The following KBTBD12 variants were observed in gnomAD, a reference collection of about 807,000 sequenced individuals.
The protein encoded by KBTBD12 is kelch repeat and BTB domain-containing protein 12.
Under a neutral mutation model 58.7 loss-of-function variants are expected in KBTBD12, and 53 were observed. That is an observed-to-expected ratio of 0.90 (90% CI 0.72 to 1.14). The LOEUF is 1.14. Among genes scored for constraint, KBTBD12 ranks in the 50% most tolerant of loss-of-function variants. KBTBD12 has a pLI of 0.00. For missense variants in KBTBD12, 704 were observed against 751.3 expected (o/e 0.94, Z 0.74); for synonymous variants, 236 against 259.8 (o/e 0.91, Z 0.88).
Position 127,927,912 on chromosome 3 carries a change from G to A in KBTBD12, c.1219G>A (p.Asp407Asn). ...CCAGTATCTTATTACAAACTGTGTT[G>A]ATAAGTACTCTGTAGAACGGGACAA... ...KNQYLITNCV[D>N]KYSVERDNWK... is the part of the protein sequence containing the mutation. The change falls in exon 3 of 6, where the codon GAT (aspartate) becomes AAT (asparagine). Residue 407 changes from aspartate to asparagine, a missense_variant. Asp to Asn is a conservative substitution (Grantham distance 23, BLOSUM62 1). Coordinates refer to ENST00000405109, the MANE Select transcript of KBTBD12 (RefSeq NM_207335.4). 1.2e-6 allele frequency: 2 copies of A among 1,613,582 alleles called. No homozygotes were observed. The highest frequency in any genetic ancestry group is 1.7e-6 in the Non-Finnish European group (2 of 1,179,632).
At chr3:127,940,980 C>A (rs1454543982) in intron 4 of KBTBD12, among the ~76,000 whole-genome samples, 1 of 152,116 alleles carries the variant, frequency 6.6e-6, no homozygotes, top group Non-Finnish European at 1.5e-5. Context: ...CTTTGAAAAC[C>A]ACAAACTACT....
intron 4 of KBTBD12, among the ~76,000 whole-genome samples, chr3:127,940,970 C>G (rs1252358391): frequency 6.6e-6 from 1 of 152,144 alleles, no homozygotes; most frequent in East Asian, 1.9e-4. Flanking sequence ...TGGACCAATT[C>G]TTTGAAAACC....
intron 4 of KBTBD12, among the ~76,000 whole-genome samples, chr3:127,945,162 A>ATTTTTT (rs1940047830): frequency 4.2e-5 from 1 of 23,786 alleles, no homozygotes; most frequent in African/African-American, 1.4e-4. Context: ...AATAGTAGCT[A>ATTTTTT]TCTTTTTTTT....
intron 4 of KBTBD12, among the ~76,000 whole-genome samples, chr3:127,940,513 T>C (rs1939927830): frequency 1.3e-5 from 2 of 152,190 alleles, no homozygotes; most frequent in South Asian, 2.1e-4. Flanking sequence ...TTAGAAAATA[T>C]GTTATGCTGA....
rs1275350653 is a variant in KBTBD12, at chr3:127,984,211, C to T, written c.1805C>T (p.Ala602Val). The change falls in exon 6 of 6, where the codon GCC (alanine) becomes GTC (valine). Residue 602 changes from alanine (A) to valine (V), a missense_variant. Physicochemically the swap from Ala to Val is moderately conservative, Grantham distance 64. Coordinates refer to ENST00000405109, the MANE Select transcript of KBTBD12 (RefSeq NM_207335.4). ...MHDSYDVCLV[A>V]RMNPRDLIPP... ...GACAGCTATGATGTCTGCCTAGTAG[C>T]CAGGATGAATCCCCGAGACCTCATC... is the stretch of plus-strand genomic sequence containing the variant. 2 of 1,613,856 alleles carry T rather than the reference C, an allele frequency of 1.2e-6. No homozygotes were observed. The highest frequency in any genetic ancestry group is 1.7e-6 in the Non-Finnish European group (2 of 1,179,886).
At chr3:127,960,209 G>A (rs569779149) in intron 4 of KBTBD12, among the ~76,000 whole-genome samples, 1 of 152,104 alleles carries the variant, frequency 6.6e-6, no homozygotes, top group Admixed American at 6.5e-5. Flanking sequence ...GGGAGGAGAG[G>A]TTCACTCCTG....
chr3:127,953,915 ATATAAGTCT>A (rs1300311888), intron 4 of KBTBD12, among the ~76,000 whole-genome samples: 1 of 152,216 alleles, frequency 6.6e-6, no homozygotes, highest in Non-Finnish European at 1.5e-5. Context: ...AATTTAGTCT[ATATAAGTCT>A]TATGAGTCAA....
chr3:127,920,857 T>C lies in KBTBD12; in HGVS notation c.-112-2093T>C, dbSNP rs896073284. ...TCTATTACTATGAGTACTATTATTA[T>C]GAATGCACCAGTTCAGTCTTCTATA... is the stretch of plus-strand genomic sequence containing the variant. On this transcript the variant is annotated intron_variant, in intron 1 of 5. Transcript: ENST00000405109. Among the ~76,000 whole-genome samples the C allele has an allele frequency of 8.5e-5, 13 of 152,194 alleles. No individual in the cohort carries two copies. The East Asian group carries it at 2.5e-3, about 29-fold the overall frequency.
intron 4 of KBTBD12, among the ~76,000 whole-genome samples, chr3:127,950,761 G>A (rs1163865217): frequency 6.6e-6 from 1 of 152,168 alleles, no homozygotes; most frequent in Non-Finnish European, 1.5e-5. Context: ...GCCGGGCACG[G>A]TGACTCAATC....
At chr3:127,943,811 C>G (rs998217144) in intron 4 of KBTBD12, among the ~76,000 whole-genome samples, 2 of 152,080 alleles carry the variant, frequency 1.3e-5, no homozygotes, top group African/African-American at 4.8e-5. Flanking sequence ...CGAGTTTTAC[C>G]ATTTCAGGTC....
chr3:127,980,325 T>G (rs1407542368), intron 5 of KBTBD12, among the ~76,000 whole-genome samples: 1 of 152,084 alleles, frequency 6.6e-6, no homozygotes, highest in Non-Finnish European at 1.5e-5. Flanking sequence ...TTTATTTATT[T>G]ATTTTTTATT....
At chr3:127,966,050 T>G (rs1940560965) in intron 5 of KBTBD12, among the ~76,000 whole-genome samples, 1 of 152,170 alleles carries the variant, frequency 6.6e-6, no homozygotes, top group Admixed American at 6.5e-5. Context: ...CTCTTGATAG[T>G]GAGACAAAGA....
At chr3:127,969,378 T>A (rs903789778) in intron 5 of KBTBD12, among the ~76,000 whole-genome samples, 1 of 152,004 alleles carries the variant, frequency 6.6e-6, no homozygotes, top group East Asian at 1.9e-4. Context: ...AGTACAGGAT[T>A]TGTACACTGA....
intron 4 of KBTBD12, among the ~76,000 whole-genome samples, chr3:127,941,320 A>T (rs1015052540): frequency 2.0e-5 from 3 of 152,244 alleles, no homozygotes; most frequent in African/African-American, 7.2e-5. Flanking sequence ...TATGTAGAAA[A>T]CACACCATGC....
rs758377883 is a variant in KBTBD12, at chr3:127,923,838, AC to A, written c.781del (p.Gln261AsnfsTer5). ...AAAATGCATTCAAAGCCATCAAGACACCCCAACAGCACTCTCTAAATCTGCG... is the reference window on the plus strand; with the variant it reads ...AAAATGCATTCAAAGCCATCAAGACACCCAACAGCACTCTCTAAATCTGCG... ...IQNAFKAIKT[P>X]QQHSLNLRYG... On this transcript the variant is annotated frameshift_variant, in exon 2 of 6. Coordinates refer to ENST00000405109, the MANE Select transcript of KBTBD12 (RefSeq NM_207335.4). LOFTEE classifies it high-confidence loss of function. The A allele has an allele frequency of 6.2e-7, 1 of 1,613,884 alleles. No individual in the cohort carries two copies. Among genetic ancestry groups the A allele is most frequent in the Admixed American group, 1.7e-5 (1 of 60,014 alleles).
chr3:127,917,633 C>T (rs1002341921), intron 1 of KBTBD12, among the ~76,000 whole-genome samples: 2 of 152,124 alleles, frequency 1.3e-5, no homozygotes, highest in Non-Finnish European at 2.9e-5. Flanking sequence ...GGCTGCCAGC[C>T]CTCAGTCAAC....
intron 4 of KBTBD12, among the ~76,000 whole-genome samples, chr3:127,930,579 A>G (rs1213538057): frequency 6.6e-6 from 1 of 152,204 alleles, no homozygotes. Context: ...TTGAAATAGG[A>G]ATAGGCCTTT....
chr3:127,944,200 T>C lies in KBTBD12; in HGVS notation c.1492+13917T>C, dbSNP rs557524384. 2.0e-5 allele frequency among the ~76,000 whole-genome samples: 3 copies of C among 152,306 alleles called. No individual in the cohort carries two copies. In the South Asian group the frequency reaches 6.2e-4, roughly 32 times the overall value. ...TGGTTCCACACAGATTTTAGAATAG[T>C]TTTTTTCTATTTCTGTGAAAATTTT... On this transcript the variant is annotated intron_variant, in intron 4 of 5. Transcript: ENST00000405109.
Position 127,923,208 on chromosome 3 carries a change from GGCT to G in KBTBD12, c.150_152del (p.Ala51del). ...AATTTCCTTGCCACAGACTGGTCCT[GGCT>G]GCATTTAGCCCTTATTTCAAAGCTA... On this transcript the variant is annotated inframe_deletion, in exon 2 of 6. Transcript: ENST00000405109. The G allele has an allele frequency of 6.2e-7, 1 of 1,613,824 alleles. No individual in the cohort carries two copies. Among genetic ancestry groups the G allele is most frequent in the Non-Finnish European group, 8.5e-7 (1 of 1,179,774 alleles).
Sources: gnomAD v4.1 joint callset for allele counts (sites outside exome capture counted in the v4.1 genomes callset) on GRCh38, gnomAD v4.1.1 for gene constraint, MANE v1.5 for transcripts, NCBI Gene and HGNC (gene_info 2026-07-23, HGNC 2026-07-21) for gene names.